BAG4: variants seen among roughly 807,000 people sequenced by gnomAD.
BAG4 encodes BAG family molecular chaperone regulator 4.
A neutral mutation model predicts 52.1 loss-of-function variants in BAG4; 28 were observed. The ratio of observed to expected loss-of-function variants is 0.54; its 90% CI spans 0.40 to 0.74. The LOEUF (loss-of-function observed/expected upper bound fraction) is 0.74. Ranked by LOEUF, BAG4 falls within the 30% of genes least tolerant of loss-of-function variation. BAG4 has a pLI of 0.00. For synonymous variants in BAG4, 208 were observed against 217.0 expected (o/e 0.96, Z 0.37); for missense variants, 525 against 572.0 (o/e 0.92, Z 0.84).
rs1022951229 is a variant in BAG4 at position 38,210,320 on chromosome 8, G to A, written c.1201G>A (p.Val401Ile). ...TCTTGAACAAGAAGTAGAAGAATTTGTAGGAAAAAAGACAGACAAAGCATA... is the reference window on the plus strand; with the variant it reads ...TCTTGAACAAGAAGTAGAAGAATTTATAGGAAAAAAGACAGACAAAGCATA... Reference protein sequence around the residue: ...QYLEQEVEEFVGKKTDKAYWL... With the variant: ...QYLEQEVEEFIGKKTDKAYWL... The change falls in exon 5 of 5, where the codon GTA becomes ATA. Residue 401 changes from valine to isoleucine, a missense_variant. Coordinates refer to ENST00000287322, the MANE Select transcript of BAG4 (RefSeq NM_004874.4). 4 of 1,614,072 alleles carry A rather than the reference G, an allele frequency of 2.5e-6. No homozygotes were observed. The highest frequency in any genetic ancestry group is 2.5e-6 in the Non-Finnish European group (3 of 1,180,026).
At chr8:38,189,833 T>TGTTGTTGTTGTTGTTGTTGTTG (rs1803437899) in intron 1 of BAG4, among the ~76,000 whole-genome samples, 1 of 152,062 alleles carries the variant, frequency 6.6e-6, no homozygotes, top group African/African-American at 2.4e-5. Context: ...TTGTTGTTGT[T>TGTTGTTGTTGTTGTTGTTGTTG]TTGAGACGGA....
At chr8:38,188,944 C>T (rs1415363516) in intron 1 of BAG4, among the ~76,000 whole-genome samples, 1 of 149,614 alleles carries the variant, frequency 6.7e-6, no homozygotes, top group African/African-American at 2.5e-5. Context: ...CGGGTGTGTG[C>T]CACCATGCCC....
chr8:38,177,105 G>T lies in BAG4; in HGVS notation c.236G>T (p.Trp79Leu). 1 of 1,612,890 alleles carries T rather than the reference G, an allele frequency of 6.2e-7. No homozygotes were observed. Among genetic ancestry groups the T allele is most frequent in the South Asian group, 1.1e-5 (1 of 91,020 alleles). Residue 79 changes from tryptophan (W) to leucine (L), a missense_variant, in exon 1 of 5, where the codon TGG (tryptophan) becomes TTG (leucine). By Grantham distance (61) the Trp-to-Leu change is moderately conservative (BLOSUM62 -2). Transcript: ENST00000287322. ...GDGYYPSGGA[W>L]PEPGRAGGSH... ...GGCTACTATCCCTCGGGAGGCGCCT[G>T]GCCAGAGCCTGGTCGAGCCGGAGGA... is the stretch of plus-strand genomic sequence containing the variant.
At chr8:38,181,328 A>G (rs1585650113) in intron 1 of BAG4, among the ~76,000 whole-genome samples, 2 of 139,378 alleles carry the variant, frequency 1.4e-5, no homozygotes, top group African/African-American at 2.7e-5. Context: ...TCCACCTCCC[A>G]GGTTCAAGCG....
chr8:38,207,352 T>C (rs984599308), intron 2 of BAG4, among the ~76,000 whole-genome samples, 160 bp from the exon 3 acceptor site: 1 of 152,146 alleles, frequency 6.6e-6, no homozygotes, highest in African/African-American at 2.4e-5. Flanking sequence ...TTCTCCCACC[T>C]TGGGCTCCCA....
chr8:38,190,382 G>A (rs574888314), intron 1 of BAG4, among the ~76,000 whole-genome samples: 1 of 152,180 alleles, frequency 6.6e-6, no homozygotes, highest in South Asian at 2.1e-4. Context: ...AACTGTTCAA[G>A]AATTATTTGA....
Position 38,211,299 on chromosome 8 carries a change from G to A in BAG4, c.*806G>A, listed in dbSNP as rs563471945. The A allele has an allele frequency of 4.1e-5, 6 of 147,952 alleles. No individual in the cohort carries two copies. In the South Asian group the frequency reaches 8.5e-4, roughly 21 times the overall value. 9.2% of individuals were successfully genotyped at this position (147,952 alleles called of 1,614,324 possible). Reference sequence around the variant, plus strand: ...ATTGACATAAAATGAAAATGTTTACGGACACTTTTCTTTTTTGCTTTTTTA... The same window carrying A: ...ATTGACATAAAATGAAAATGTTTACAGACACTTTTCTTTTTTGCTTTTTTA... On this transcript the variant is annotated 3_prime_UTR_variant, in exon 5 of 5. Transcript: ENST00000287322.
intron 1 of BAG4, among the ~76,000 whole-genome samples, chr8:38,188,560 TATAA>T (rs1803407064): frequency 6.6e-6 from 1 of 150,908 alleles, no homozygotes; most frequent in Admixed American, 6.6e-5. Flanking sequence ...TATATGCACA[TATAA>T]ATACATATAT....
rs769667054 is a variant in BAG4, at chr8:38,208,307, CT to C, written c.633+561del. Among the ~76,000 whole-genome samples, 1,043 of 107,416 alleles carry C rather than the reference CT, an allele frequency of 9.7e-3. 7 individuals are homozygous for C. The highest frequency in any genetic ancestry group is 0.031 in the African/African-American group (895 of 29,296). 70.5% of individuals were successfully genotyped at this position (107,416 alleles called of 152,430 possible). ...GCCTTTTTTAGCACCCTGTTAGGTT[CT>C]TTTTTTTTTTTTTTTTTTTGAGACG... On this transcript the variant is annotated intron_variant, in intron 3 of 4. Transcript: ENST00000287322.
intron 2 of BAG4, among the ~76,000 whole-genome samples, chr8:38,206,164 A>G (rs1803766815): frequency 6.6e-6 from 1 of 151,332 alleles, no homozygotes; most frequent in Non-Finnish European, 1.5e-5. Context: ...AATCCCAGCT[A>G]CTTGGGAGGC....
At chr8:38,206,378 T>C (rs1160065264) in intron 2 of BAG4, among the ~76,000 whole-genome samples, 1 of 151,868 alleles carries the variant, frequency 6.6e-6, no homozygotes, top group Non-Finnish European at 1.5e-5. Context: ...TTTGGATTAT[T>C]AAACTGAGGA....
chr8:38,206,846 C>G (rs550889877), intron 2 of BAG4, among the ~76,000 whole-genome samples: 2 of 152,030 alleles, frequency 1.3e-5, no homozygotes, highest in South Asian at 4.2e-4. Context: ...AGTGGTACAA[C>G]CATGACTCAC....
chr8:38,188,564 AATAC>A (rs979145582), intron 1 of BAG4, among the ~76,000 whole-genome samples: 23 of 150,964 alleles, frequency 1.5e-4, no homozygotes, highest in Admixed American at 2.0e-4. Flanking sequence ...TGCACATATA[AATAC>A]ATATATATAC....
At chr8:38,179,676 G>A (rs1019907402) in intron 1 of BAG4, among the ~76,000 whole-genome samples, 1 of 151,904 alleles carries the variant, frequency 6.6e-6, no homozygotes, top group South Asian at 2.1e-4. Flanking sequence ...TGAGGCAGGA[G>A]AATCGCTTGA....
At chr8:38,209,893 A>C in intron 4 of BAG4, 115 bp from the exon 5 acceptor site, 2 of 1,388,234 alleles carry the variant, frequency 1.4e-6, no homozygotes, top group Non-Finnish European at 9.8e-7. Context: ...TTTTATTGTT[A>C]GGGAATCTTT....
chr8:38,205,188 C>T lies in BAG4; in HGVS notation c.379-2324C>T, dbSNP rs187859369. Among the ~76,000 whole-genome samples, 59 of 149,424 alleles carry T rather than the reference C, an allele frequency of 3.9e-4. No homozygotes were observed. In the East Asian group the frequency reaches 0.011, roughly 27 times the overall value. ...TAAGGACTATAGCTGTGCCATACCA[C>T]GCCCAGCTAATTAATTTTTTTTTTT... is the stretch of plus-strand genomic sequence containing the variant. On this transcript the variant is annotated intron_variant, in intron 2 of 4. Transcript: ENST00000287322.
chr8:38,183,034 A>AT (rs1803298045), intron 1 of BAG4, among the ~76,000 whole-genome samples: 16 of 129,148 alleles, frequency 1.2e-4, no homozygotes, highest in Non-Finnish European at 2.6e-4. Context: ...ATACTGACCC[A>AT]TCTTTTTTTT....
At chr8:38,179,784 A>G (rs1263842743) in intron 1 of BAG4, among the ~76,000 whole-genome samples, 1 of 152,094 alleles carries the variant, frequency 6.6e-6, no homozygotes, top group Non-Finnish European at 1.5e-5. Flanking sequence ...AAAATAAAGA[A>G]AGAAAGATCC....
intron 3 of BAG4, among the ~76,000 whole-genome samples, chr8:38,208,016 GCC>G (rs1803801481): frequency 6.7e-6 from 1 of 148,624 alleles, no homozygotes; most frequent in Non-Finnish European, 1.5e-5. Context: ...CCCTATCTTA[GCC>G]TTTTTTTTTT....
Sources: gnomAD v4.1 joint callset for allele counts (sites outside exome capture counted in the v4.1 genomes callset) on GRCh38, gnomAD v4.1.1 for gene constraint, MANE v1.5 for transcripts, NCBI Gene and HGNC (gene_info 2026-07-23, HGNC 2026-07-21) for gene names.